Variants in CAGE1 observed in about 807,000 individuals in gnomAD.
The protein encoded by CAGE1 is cancer antigen 1.
A neutral mutation model predicts 94.9 loss-of-function variants in CAGE1; 66 were observed. The ratio of observed to expected loss-of-function variants is 0.70; its 90% CI spans 0.57 to 0.85. The LOEUF (loss-of-function observed/expected upper bound fraction) is 0.85, where lower values mean the gene tolerates loss of function less well. Ranked by LOEUF, CAGE1 falls within the 40% of genes least tolerant of loss-of-function variation. The pLI, the probability that CAGE1 is intolerant of heterozygous loss-of-function variation, is 0.00. For synonymous variants in CAGE1, 319 were observed against 321.0 expected (o/e 0.99, Z 0.07); for missense variants, 865 against 950.4 (o/e 0.91, Z 1.18).
At chr6:7,371,230 G>C (rs999304437) in intron 5 of CAGE1, among the ~76,000 whole-genome samples, 5 of 152,112 alleles carry the variant, frequency 3.3e-5, no homozygotes, top group African/African-American at 4.8e-5. Context: ...CTAGGGTAGG[G>C]CCAGCAATCT....
In CAGE1 at chr6:7,389,722, G is replaced by A. The variant is rs989687164; in HGVS notation, c.-544C>T. 2.9e-5 allele frequency: 16 copies of A among 549,580 alleles called. No homozygotes were observed. The highest frequency in any genetic ancestry group is 8.5e-5 in the South Asian group (4 of 47,188). 34.0% of individuals were successfully genotyped at this position (549,580 alleles called of 1,614,324 possible). On this transcript the variant is annotated 5_prime_UTR_variant, in exon 1 of 14. Coordinates refer to ENST00000502583, the MANE Select transcript of CAGE1 (RefSeq NM_001170692.2). ...CACAGAACATCCACAGCCCTATACA[G>A]CGCGCCATCCAGAGAGCTCCGGACT...
chr6:7,354,537 T>C (rs1376932785), intron 11 of CAGE1, among the ~76,000 whole-genome samples: 1 of 152,030 alleles, frequency 6.6e-6, no homozygotes, highest in African/African-American at 2.4e-5. Context: ...ATATATGAAA[T>C]TGGGGGAAGG....
chr6:7,382,833 C>T (rs1339913338), intron 3 of CAGE1, among the ~76,000 whole-genome samples: 1 of 152,012 alleles, frequency 6.6e-6, no homozygotes, highest in Admixed American at 6.6e-5. Flanking sequence ...TAGTTTGAAC[C>T]CGGAAGGTGG....
At chr6:7,378,485 C>T (rs1760829081) in intron 4 of CAGE1, 132 bp downstream of exon 4, 1 of 631,434 alleles carries the variant, frequency 1.6e-6, no homozygotes, top group Middle Eastern at 4.8e-4. Flanking sequence ...TAAAATGCAT[C>T]CTTTAATACT....
chr6:7,366,336 G>T (rs1281244344), intron 7 of CAGE1, among the ~76,000 whole-genome samples: 1 of 151,662 alleles, frequency 6.6e-6, no homozygotes, highest in East Asian at 1.9e-4. Flanking sequence ...GTGAGGAAAA[G>T]AATTCACACA....
intron 9 of CAGE1, among the ~76,000 whole-genome samples, chr6:7,358,027 G>GATATATATATATGTATAT (rs1554138207): frequency 2.5e-4 from 12 of 48,072 alleles, no homozygotes; most frequent in Non-Finnish European, 4.3e-4. Flanking sequence ...TAAGTTTTGA[G>GATATATATATATGTATAT]ATATATATAT....
At chr6:7,355,935 T>C (rs917979077) in intron 10 of CAGE1, 90 bp downstream of exon 10, 10 of 692,512 alleles carry the variant, frequency 1.4e-5, no homozygotes, top group African/African-American at 5.4e-5. Flanking sequence ...GCCCAGGGGA[T>C]TGAGGCTGTA....
chr6:7,373,036 A>C, intron 5 of CAGE1, 37 bp downstream of exon 5: 1 of 1,454,990 alleles, frequency 6.9e-7, no homozygotes, highest in Non-Finnish European at 9.3e-7. Context: ...GAAACTCTTG[A>C]AATTCCGCAT....
chr6:7,388,358 C>G (rs937859382), intron 1 of CAGE1, among the ~76,000 whole-genome samples: 20 of 152,184 alleles, frequency 1.3e-4, no homozygotes, highest in African/African-American at 2.9e-4. Flanking sequence ...TCCCATCTAC[C>G]CATTCATCTA....
At chr6:7,327,581 T>C (rs1481232096) in intron 13 of CAGE1, among the ~76,000 whole-genome samples, 5 of 152,230 alleles carry the variant, frequency 3.3e-5, no homozygotes, top group Non-Finnish European at 5.9e-5. Flanking sequence ...GAAAAAGGAA[T>C]AGAAGCAAGA....
Position 7,365,715 on chromosome 6 carries a change from G to T in CAGE1, c.2085+89C>A, listed in dbSNP as rs1006197546. 4.1e-5 allele frequency: 54 copies of T among 1,314,506 alleles called. No individual in the cohort carries two copies. The Admixed American group carries it at 8.6e-4, about 21-fold the overall frequency. 81.4% of individuals were successfully genotyped at this position (1,314,506 alleles called of 1,614,324 possible). On this transcript the variant is annotated intron_variant, in intron 8 of 13. Transcript: ENST00000502583. ...AAAAGTGCAGAACTTAGAACTAGAAGTACTTCAACAAATTTACCAAAAGAA... is the reference window on the plus strand; with the variant it reads ...AAAAGTGCAGAACTTAGAACTAGAATTACTTCAACAAATTTACCAAAAGAA...
rs1234296075 is a variant in CAGE1 at position 7,356,023 on chromosome 6, A to T, written c.2298+2T>A. On this transcript the variant is annotated splice_donor_variant, in intron 10 of 13. Transcript: ENST00000502583. LOFTEE classifies it high-confidence loss of function. ...AAATACAAAAGAAAAAAAAATGTCTACCTTCTTTATTAAGTTGCCTAAATG... is the reference window on the plus strand; with the variant it reads ...AAATACAAAAGAAAAAAAAATGTCTTCCTTCTTTATTAAGTTGCCTAAATG... 2.0e-6 allele frequency: 3 copies of T among 1,490,406 alleles called. No homozygotes were observed. Among genetic ancestry groups the T allele is most frequent in the Non-Finnish European group, 2.7e-6 (3 of 1,092,558 alleles). 92.3% of individuals were successfully genotyped at this position (1,490,406 alleles called of 1,614,324 possible).
chr6:7,330,870 T>C (rs1032003773), intron 12 of CAGE1, among the ~76,000 whole-genome samples: 4 of 152,196 alleles, frequency 2.6e-5, no homozygotes, highest in Admixed American at 6.5e-5. Flanking sequence ...ATAGGCCAAA[T>C]ATAAGTAAAC....
At chr6:7,330,965 T>C (rs1373194204) in intron 12 of CAGE1, among the ~76,000 whole-genome samples, 1 of 152,246 alleles carries the variant, frequency 6.6e-6, no homozygotes, top group Admixed American at 6.5e-5. Context: ...ATTCCATTGT[T>C]TCTCTCAGCA....
At chr6:7,347,677 G>A (rs1446752208) in intron 11 of CAGE1, among the ~76,000 whole-genome samples, 3 of 152,124 alleles carry the variant, frequency 2.0e-5, no homozygotes, top group African/African-American at 7.2e-5. Flanking sequence ...GGTAGCCTGG[G>A]GCAAGTTCTC....
Position 7,368,743 on chromosome 6 carries a change from A to G in CAGE1, c.1949T>C (p.Ile650Thr), listed in dbSNP as rs372599991. The G allele has an allele frequency of 6.4e-7, 1 of 1,561,402 alleles. No homozygotes were observed. The highest frequency in any genetic ancestry group is 2.3e-5 in the East Asian group (1 of 42,752). The stretch of plus-strand genomic sequence containing the variant: ...GAGGCTCTTCAGTTTTTGCAGCATT[A>G]TATCACTAACCTTCTCACTCTCTTT... ...HFKESEKVSD[I>T]MLQKLKSLHL... Residue 650 changes from isoleucine (I) to threonine (T), a missense_variant, in exon 7 of 14, where the codon ATA (isoleucine) becomes ACA (threonine). Coordinates refer to ENST00000502583, the MANE Select transcript of CAGE1 (RefSeq NM_001170692.2).
intron 12 of CAGE1, among the ~76,000 whole-genome samples, chr6:7,332,568 G>C (rs1758795091): frequency 6.6e-6 from 1 of 152,178 alleles, no homozygotes; most frequent in African/African-American, 2.4e-5. Context: ...GCTTGCCTTA[G>C]TTTTCTTAGG....
intron 9 of CAGE1, among the ~76,000 whole-genome samples, chr6:7,357,190 C>A (rs1759987713): frequency 6.6e-6 from 1 of 152,164 alleles, no homozygotes; most frequent in African/African-American, 2.4e-5. Flanking sequence ...AACTTTCTTT[C>A]TCTTATATGA....
chr6:7,387,912 T>C (rs959724615), intron 1 of CAGE1, among the ~76,000 whole-genome samples: 3 of 149,408 alleles, frequency 2.0e-5, no homozygotes, highest in African/African-American at 7.4e-5. Context: ...CGTGTGCCTG[T>C]AGTCCCAGCT....
Sources: allele counts gnomAD v4.1 joint callset (sites outside exome capture counted in the v4.1 genomes callset), GRCh38; gene constraint gnomAD v4.1.1; transcripts MANE v1.5; gene names NCBI Gene and HGNC (gene_info 2026-07-23, HGNC 2026-07-21).